The following ALKBH5 variants were observed in gnomAD, a reference collection of about 807,000 sequenced individuals.
ALKBH5 encodes the protein alkB homolog 5, RNA demethylase, also known as RNA demethylase ALKBH5.
A neutral mutation model predicts 32.1 loss-of-function variants in ALKBH5; 2 were observed. The observed-to-expected ratio is 0.06, with a 90% CI of 0.03 to 0.20. The LOEUF is 0.20. Among genes scored for constraint, ALKBH5 ranks in the 10% least tolerant of loss-of-function variants. ALKBH5 has a pLI of 1.00. For synonymous variants in ALKBH5, 300 were observed against 231.7 expected (o/e 1.29, Z -2.68); for missense variants, 352 against 559.5 (o/e 0.63, Z 3.74).
At chr17:18,189,678 G>C (rs117890175) in intron 1 of ALKBH5, among the ~76,000 whole-genome samples, 1 of 152,174 alleles carries the variant, frequency 6.6e-6, no homozygotes, top group African/African-American at 2.4e-5. Context: ...GTTGACTTCG[G>C]GGAAATTAAG....
At chr17:18,207,032 G>A (rs2047273214) in intron 3 of ALKBH5, 62 bp downstream of exon 3, 3 of 1,581,662 alleles carry the variant, frequency 1.9e-6, no homozygotes, top group Non-Finnish European at 2.6e-6. Context: ...TGAGAAGGGT[G>A]GAGAAGCCTG....
intron 2 of ALKBH5, among the ~76,000 whole-genome samples, chr17:18,203,759 C>T (rs1302598299): frequency 6.6e-6 from 1 of 152,238 alleles, no homozygotes; most frequent in Non-Finnish European, 1.5e-5. Context: ...AAGCTCTAGC[C>T]TGGCATCCTG....
chr17:18,207,339 G>T (rs1162752746), intron 3 of ALKBH5, among the ~76,000 whole-genome samples: 2 of 151,494 alleles, frequency 1.3e-5, no homozygotes, highest in Admixed American at 6.6e-5. Context: ...TGGATAAAAG[G>T]TATTTGAGGA....
At chr17:18,202,303 G>A (rs929364344) in intron 2 of ALKBH5, among the ~76,000 whole-genome samples, 20 of 151,930 alleles carry the variant, frequency 1.3e-4, no homozygotes, top group Admixed American at 1.2e-3. Context: ...GCGAGACTCC[G>A]ACTCAAAACA....
intron 1 of ALKBH5, among the ~76,000 whole-genome samples, chr17:18,192,695 T>C (rs1000168103): frequency 1.3e-5 from 2 of 152,154 alleles, no homozygotes; most frequent in South Asian, 4.1e-4. Flanking sequence ...TGGGTATTAA[T>C]AGGTATTATG....
intron 1 of ALKBH5, among the ~76,000 whole-genome samples, chr17:18,185,673 C>G (rs2047134944): frequency 1.3e-5 from 2 of 152,218 alleles, no homozygotes; most frequent in South Asian, 4.1e-4. Context: ...CTGAATACAA[C>G]AGAATACAGC....
In ALKBH5 at chr17:18,183,852, T is replaced by A. The variant is rs1024087664; in HGVS notation, c.-392T>A. Reference sequence around the variant, plus strand: ...TGAGGAGCCCGCTAAGGAGCGGCGCTGGCGGACGTCGGGCTGGCTGCCCGT... The same window carrying A: ...TGAGGAGCCCGCTAAGGAGCGGCGCAGGCGGACGTCGGGCTGGCTGCCCGT... On this transcript the variant is annotated 5_prime_UTR_variant, in exon 1 of 4. Transcript: ENST00000399138. 6.0e-6 allele frequency: 2 copies of A among 335,648 alleles called. No homozygotes were observed. The highest frequency in any genetic ancestry group is 4.6e-5 in the Admixed American group (1 of 21,554). The allele number at this position is 335,648 out of a possible 1,614,324, so 20.8% of individuals were successfully genotyped here.
At chr17:18,197,498 A>G (rs994533283) in intron 2 of ALKBH5, among the ~76,000 whole-genome samples, 1 of 152,214 alleles carries the variant, frequency 6.6e-6, no homozygotes, top group Admixed American at 6.5e-5. Flanking sequence ...CCAGAGCAGT[A>G]ACTTCCCAAG....
In ALKBH5 at chr17:18,208,189, A is replaced by G; in HGVS notation, c.1008-30A>G. 4 of 1,574,872 alleles carry G rather than the reference A, an allele frequency of 2.5e-6. No individual in the cohort carries two copies. The South Asian group carries it at 4.6e-5, about 18-fold the overall frequency. On this transcript the variant is annotated intron_variant, in intron 3 of 3. Coordinates refer to ENST00000399138, the MANE Select transcript of ALKBH5 (RefSeq NM_017758.4). ...GCCAGGCGCCTCCTGCCAGCCTCTCAGATAACGTCCTACCTCCCTTTCCTT... is the reference window on the plus strand; with the variant it reads ...GCCAGGCGCCTCCTGCCAGCCTCTCGGATAACGTCCTACCTCCCTTTCCTT...
At chr17:18,192,330 G>A (rs145468836) in intron 1 of ALKBH5, among the ~76,000 whole-genome samples, 1 of 152,198 alleles carries the variant, frequency 6.6e-6, no homozygotes, top group African/African-American at 2.4e-5. Context: ...CCCTTTCCAG[G>A]AGTGTCAACC....
intron 2 of ALKBH5, among the ~76,000 whole-genome samples, chr17:18,203,468 G>T (rs376743740): frequency 2.0e-5 from 3 of 152,184 alleles, no homozygotes; most frequent in Admixed American, 6.5e-5. Flanking sequence ...GTAGGTGGCC[G>T]CTCTGGGTAT....
At position 18,184,438 on chromosome 17, in the gene ALKBH5, C is replaced by T. The variant is rs1328983755; in HGVS notation, c.195C>T (p.Asp65=). 4.4e-6 allele frequency: 7 copies of T among 1,603,196 alleles called. No individual in the cohort carries two copies. Among genetic ancestry groups the T allele is most frequent in the Admixed American group, 1.7e-5 (1 of 57,774 alleles). The change falls in exon 1 of 4, where the codon GAC becomes GAT. Residue 65 remains aspartate, a synonymous_variant. Transcript: ENST00000399138. ...GAKRKYQEDS[D]PERSDYEEQQ... ...AGCGCAAGTATCAGGAGGACTCGGACCCCGAGCGCAGCGACTATGAGGAGC... is the reference window on the plus strand; with the variant it reads ...AGCGCAAGTATCAGGAGGACTCGGATCCCGAGCGCAGCGACTATGAGGAGC...
At chr17:18,194,910 T>C (rs748815767) in intron 1 of ALKBH5, 45 bp from the exon 2 acceptor site, 7 of 1,589,272 alleles carry the variant, frequency 4.4e-6, no homozygotes, top group Non-Finnish European at 6.0e-6. Flanking sequence ...GAACTTTGGT[T>C]GTCTGTCTAC....
chr17:18,199,172 A>G (rs2047221492), intron 2 of ALKBH5, among the ~76,000 whole-genome samples: 1 of 152,196 alleles, frequency 6.6e-6, no homozygotes, highest in Admixed American at 6.5e-5. Flanking sequence ...GGCAGCAGCT[A>G]CAGGCTAGTC....
rs1399271304 is a variant in ALKBH5 at position 18,184,270 on chromosome 17, C to T, written c.27C>T (p.Asp9=). 3 of 1,524,028 alleles carry T rather than the reference C, an allele frequency of 2.0e-6. No homozygotes were observed. Among genetic ancestry groups the T allele is most frequent in the African/African-American group, 1.4e-5 (1 of 69,918 alleles). 94.4% of individuals were successfully genotyped at this position (1,524,028 alleles called of 1,614,324 possible). MAAASGYT[D]LREKLKSMTS... ...TGGCGGCCGCCAGCGGCTACACGGACCTGCGTGAGAAGCTCAAGTCCATGA... is the reference window on the plus strand; with the variant it reads ...TGGCGGCCGCCAGCGGCTACACGGATCTGCGTGAGAAGCTCAAGTCCATGA... The change falls in exon 1 of 4, where the codon GAC becomes GAT. Residue 9 remains aspartate (D), a synonymous_variant. Transcript: ENST00000399138.
At chr17:18,200,703 A>G (rs1432193689) in intron 2 of ALKBH5, among the ~76,000 whole-genome samples, 1 of 152,204 alleles carries the variant, frequency 6.6e-6, no homozygotes, top group Non-Finnish European at 1.5e-5. Flanking sequence ...GATAAGTGCC[A>G]CCTGAAGGTA....
chr17:18,201,777 A>AGATAGATAGATAGATAG (rs1567676605), intron 2 of ALKBH5, among the ~76,000 whole-genome samples: 1 of 124,466 alleles, frequency 8.0e-6, no homozygotes, highest in Non-Finnish European at 1.8e-5. Flanking sequence ...ATAGATAGAT[A>AGATAGATAGATAGATAG]GATAGATAGG....
At chr17:18,201,547 C>G (rs946259218) in intron 2 of ALKBH5, among the ~76,000 whole-genome samples, 1 of 152,020 alleles carries the variant, frequency 6.6e-6, no homozygotes, top group South Asian at 2.1e-4. Flanking sequence ...TGCCTGAGCG[C>G]GGGAGTTTGA....
chr17:18,204,955 C>A (rs2047261118), intron 2 of ALKBH5, among the ~76,000 whole-genome samples: 1 of 151,906 alleles, frequency 6.6e-6, no homozygotes, highest in Middle Eastern at 3.4e-3. Context: ...GAGGCTTGGG[C>A]AGGAGGATCC....
Sources: gnomAD v4.1 joint callset for allele counts (sites outside exome capture counted in the v4.1 genomes callset) on GRCh38, gnomAD v4.1.1 for gene constraint, MANE v1.5 for transcripts, NCBI Gene and HGNC (gene_info 2026-07-23, HGNC 2026-07-21) for gene names.